PKD1L1: variants seen among roughly 807,000 people sequenced by gnomAD.
PKD1L1 encodes polycystin 1 like 1, transient receptor potential channel interacting, also known as polycystin-1-like protein 1.
A neutral mutation model predicts 323.4 loss-of-function variants in PKD1L1; 236 were observed. That is an observed-to-expected ratio of 0.73 (90% CI 0.66 to 0.81). The LOEUF (loss-of-function observed/expected upper bound fraction) is 0.81. PKD1L1 is among the 40% of genes least tolerant of loss of function. The pLI is 0.00. For missense variants in PKD1L1, 3,320 were observed against 3,508.0 expected (o/e 0.95, Z 1.35); for synonymous variants, 1,344 against 1,335.0 (o/e 1.01, Z -0.15).
At position 47,926,850 on chromosome 7, in the gene PKD1L1, G is replaced by A. The variant is rs145125548; in HGVS notation, c.1060+2354C>T. The stretch of plus-strand genomic sequence containing the variant: ...GATGGCCATGCTAGAGAAGATGAGT[G>A]AACAAGGGATGCCAGCAAACGGCCT... On this transcript the variant is annotated intron_variant, in intron 7 of 56. Transcript: ENST00000289672. 6.6e-5 allele frequency among the ~76,000 whole-genome samples: 10 copies of A among 151,980 alleles called. No individual in the cohort carries two copies. The East Asian group carries it at 1.9e-3, about 29-fold the overall frequency.
chr7:47,842,527 C>T (rs867070392), intron 34 of PKD1L1, among the ~76,000 whole-genome samples: 1 of 152,196 alleles, frequency 6.6e-6, no homozygotes, highest in Non-Finnish European at 1.5e-5. Flanking sequence ...CACCGCGGCA[C>T]CCCTGCTCCA....
At chr7:47,778,502 G>A (rs1786619768) in intron 56 of PKD1L1, among the ~76,000 whole-genome samples, 1 of 152,112 alleles carries the variant, frequency 6.6e-6, no homozygotes, top group Non-Finnish European at 1.5e-5. Context: ...TCATCAAGGA[G>A]GTATTATAGC....
Position 47,858,769 on chromosome 7 carries a change from G to T in PKD1L1, c.4266C>A (p.Leu1422=), listed in dbSNP as rs376477378. 1.2e-6 allele frequency: 2 copies of T among 1,614,066 alleles called. No homozygotes were observed. The highest frequency in any genetic ancestry group is 2.7e-5 in the African/African-American group (2 of 74,926). ...DKGVRLELIG[L]ISRVWEVSEQ... ...CAGAGACTTCCCAGACTCTGGATATGAGACCGATGAGCTCAAGCCTCACTC... is the reference window on the plus strand; with the variant it reads ...CAGAGACTTCCCAGACTCTGGATATTAGACCGATGAGCTCAAGCCTCACTC... Residue 1422 remains leucine, a synonymous_variant, in exon 27 of 57, where the codon CTC becomes CTA. Coordinates refer to ENST00000289672, the MANE Select transcript of PKD1L1 (RefSeq NM_138295.5).
rs145262296 is a variant in PKD1L1, at chr7:47,884,877, G to A, written c.3206-220C>T. On this transcript the variant is annotated intron_variant, in intron 18 of 56. Coordinates refer to ENST00000289672, the MANE Select transcript of PKD1L1 (RefSeq NM_138295.5). ...CCCCGGGGCCCCAGGAGGAGGAGAG[G>A]GAGCTCCAATAGGTGTGTGGTTTCT... Among the ~76,000 whole-genome samples, 601 of 152,210 alleles carry A rather than the reference G, an allele frequency of 3.9e-3. 4 individuals are homozygous for A. The highest frequency in any genetic ancestry group is 0.014 in the African/African-American group (574 of 41,522).
intron 31 of PKD1L1, among the ~76,000 whole-genome samples, chr7:47,850,632 CAAAA>C (rs58437908): frequency 1.3e-5 from 1 of 75,810 alleles, no homozygotes; most frequent in Non-Finnish European, 2.4e-5. Flanking sequence ...GACTCTGTCT[CAAAA>C]AAAAAAAAAA....
At chr7:47,913,654 C>T (rs1233112538) in intron 8 of PKD1L1, among the ~76,000 whole-genome samples, 2 of 152,190 alleles carry the variant, frequency 1.3e-5, no homozygotes, top group African/African-American at 4.8e-5. Flanking sequence ...TGTTCGCTTT[C>T]TGCCATGATT....
At chr7:47,906,830 A>G (rs1423150917) in intron 9 of PKD1L1, among the ~76,000 whole-genome samples, 5 of 152,212 alleles carry the variant, frequency 3.3e-5, no homozygotes, top group Non-Finnish European at 5.9e-5. Context: ...TGATAAATAA[A>G]TATCACATGG....
At chr7:47,804,280 G>A (rs968676819) in intron 52 of PKD1L1, among the ~76,000 whole-genome samples, 11 of 152,076 alleles carry the variant, frequency 7.2e-5, no homozygotes, top group African/African-American at 2.4e-4. Context: ...AGCCAGCACC[G>A]GCCAAGAAAA....
chr7:47,796,300 GC>G, intron 54 of PKD1L1, 150 bp from the exon 55 acceptor site: 1 of 721,378 alleles, frequency 1.4e-6, no homozygotes, highest in Non-Finnish European at 2.2e-6. Flanking sequence ...GTGAAAAAAA[GC>G]AAAATCAGGA....
intron 17 of PKD1L1, 105 bp from the exon 18 acceptor site, chr7:47,886,159 G>A: frequency 7.1e-7 from 1 of 1,415,748 alleles, no homozygotes; most frequent in Non-Finnish European, 9.4e-7. Context: ...AAACAAATCT[G>A]TTGTGAATTT....
chr7:47,850,666 G>A (rs906165665), intron 31 of PKD1L1, among the ~76,000 whole-genome samples: 4 of 147,268 alleles, frequency 2.7e-5, no homozygotes, highest in Admixed American at 2.7e-4. Context: ...TAAAAGTAAG[G>A]CTTAGCATTA....
At chr7:47,808,414 A>G in intron 51 of PKD1L1, 27 bp from the exon 52 acceptor site, 1 of 1,613,194 alleles carries the variant, frequency 6.2e-7, no homozygotes, top group South Asian at 1.1e-5. Flanking sequence ...AAAGGCCCTC[A>G]GATGGCTCCT....
Position 47,894,428 on chromosome 7 carries a change from G to C in PKD1L1, c.2272-369C>G, listed in dbSNP as rs573127752. Among the ~76,000 whole-genome samples the C allele has an allele frequency of 5.3e-5, 8 of 152,276 alleles. No homozygotes were observed. The South Asian group carries it at 1.4e-3, about 28-fold the overall frequency. On this transcript the variant is annotated intron_variant, in intron 14 of 56. Coordinates refer to ENST00000289672, the MANE Select transcript of PKD1L1 (RefSeq NM_138295.5). The stretch of plus-strand genomic sequence containing the variant: ...TGTGCAACTTCCTTCACCTATCTTA[G>C]AGCTGCTTCTTTCTAACCCCCAAAC...
At chr7:47,831,861 C>T (rs1274316397) in intron 41 of PKD1L1, among the ~76,000 whole-genome samples, 1 of 152,252 alleles carries the variant, frequency 6.6e-6, no homozygotes, top group Non-Finnish European at 1.5e-5. Flanking sequence ...ATCTGAGGGT[C>T]TGCCCTGATT....
chr7:47,956,943 GAAGTA>G, the PKD1L1 span: 1 of 152,640 alleles, frequency 6.6e-6, no homozygotes, highest in Non-Finnish European at 1.5e-5. Context: ...TCAAGCAATT[GAAGTA>G]ATTTGTCCAG....
chr7:47,934,474 C>A (rs555081251), intron 4 of PKD1L1, among the ~76,000 whole-genome samples: 1 of 152,364 alleles, frequency 6.6e-6, no homozygotes, highest in African/African-American at 2.4e-5. Context: ...GAAGTCACTT[C>A]AGCTGTTCCT....
At chr7:47,834,439 A>T (rs1785414084) in intron 39 of PKD1L1, 54 bp from the exon 40 acceptor site, 1 of 1,445,732 alleles carries the variant, frequency 6.9e-7, no homozygotes, top group Non-Finnish European at 9.7e-7. Context: ...GATACATTTA[A>T]ACAGGGATAT....
At chr7:47,857,886 T>C in intron 27 of PKD1L1, 54 bp from the exon 28 acceptor site, 1 of 1,533,974 alleles carries the variant, frequency 6.5e-7, no homozygotes, top group Non-Finnish European at 9.0e-7. Flanking sequence ...GCACAAACTG[T>C]CTTGAATCCA....
intron 19 of PKD1L1, 31 bp downstream of exon 19, chr7:47,884,565 GGA>G (rs1786639167): frequency 1.3e-6 from 2 of 1,596,300 alleles, no homozygotes; most frequent in African/African-American, 1.3e-5. Flanking sequence ...AGAGCTGAGT[GGA>G]GAGAGGCAGC....
Sources: allele counts gnomAD v4.1 joint callset (sites outside exome capture counted in the v4.1 genomes callset), GRCh38; gene constraint gnomAD v4.1.1; transcripts MANE v1.5; gene names NCBI Gene and HGNC (gene_info 2026-07-23, HGNC 2026-07-21).